The following PPP1R9A variants were observed in gnomAD, a reference collection of about 807,000 sequenced individuals.
The protein encoded by PPP1R9A is neurabin-1.
Under a neutral mutation model 141.9 loss-of-function variants are expected in PPP1R9A, and 59 were observed. The observed-to-expected ratio is 0.42, with a 90% confidence interval of 0.34 to 0.52. The LOEUF (loss-of-function observed/expected upper bound fraction) is 0.52, where lower values mean the gene tolerates loss of function less well. Among genes scored for constraint, PPP1R9A ranks in the 20% least tolerant of loss-of-function variants. PPP1R9A has a pLI of 0.10. For synonymous variants in PPP1R9A, 500 were observed against 569.7 expected (o/e 0.88, Z 1.74); for missense variants, 1,444 against 1,611.9 (o/e 0.90, Z 1.78).
rs185374713 is a variant in PPP1R9A at position 94,994,825 on chromosome 7, C to T, written c.1395+83317C>T. Among the ~76,000 whole-genome samples, 27 of 151,318 alleles carry T rather than the reference C, an allele frequency of 1.8e-4. No homozygotes were observed. In the East Asian group the frequency reaches 3.3e-3, roughly 19 times the overall value. ...AGGAGAATCACTTGAACCTGGGAGG[C>T]GGAGGTTGCAGAGTTGACATCGCGC... On this transcript the variant is annotated intron_variant, in intron 2 of 19. Coordinates refer to ENST00000433360, the MANE Select transcript of PPP1R9A (RefSeq NM_001166160.2).
At chr7:95,055,777 C>T (rs1333280599) in intron 2 of PPP1R9A, among the ~76,000 whole-genome samples, 4 of 152,060 alleles carry the variant, frequency 2.6e-5, no homozygotes, top group Admixed American at 2.0e-4. Context: ...GTACCTTGTA[C>T]TCTAGGAAGC....
intron 12 of PPP1R9A, among the ~76,000 whole-genome samples, chr7:95,257,751 G>A (rs558095868): frequency 8.2e-4 from 125 of 152,098 alleles, no homozygotes; most frequent in Non-Finnish European, 1.5e-3. Context: ...TCACCTATGA[G>A]TGAGAACATG....
chr7:95,040,738 G>A lies in PPP1R9A; in HGVS notation c.1396-70521G>A, dbSNP rs143962240. ...TTTCACTAGGCACTTTTCATTCTCTGAAGAAATTGTTTAATCTACTCTCGA... is the reference window on the plus strand; with the variant it reads ...TTTCACTAGGCACTTTTCATTCTCTAAAGAAATTGTTTAATCTACTCTCGA... On this transcript the variant is annotated intron_variant, in intron 2 of 19. Transcript: ENST00000433360. Among the ~76,000 whole-genome samples, 510 of 152,190 alleles carry A rather than the reference G, an allele frequency of 3.4e-3. 2 individuals carry two copies. Among genetic ancestry groups the A allele is most frequent in the African/African-American group, 0.012 (478 of 41,532 alleles).
At chr7:94,933,685 T>G (rs1392990450) in intron 2 of PPP1R9A, among the ~76,000 whole-genome samples, 1 of 152,180 alleles carries the variant, frequency 6.6e-6, no homozygotes, top group East Asian at 1.9e-4. Flanking sequence ...AGTAAAGGGC[T>G]TTATTTATGC....
intron 12 of PPP1R9A, among the ~76,000 whole-genome samples, chr7:95,254,550 C>T (rs1799321139): frequency 6.6e-6 from 1 of 152,172 alleles, no homozygotes; most frequent in African/African-American, 2.4e-5. Flanking sequence ...TCCTCCCGAC[C>T]TTCTACTGAC....
Position 95,184,600 on chromosome 7 carries a change from C to G in PPP1R9A, c.1755-13749C>G, listed in dbSNP as rs766419252. Among the ~76,000 whole-genome samples, 78 of 152,140 alleles carry G rather than the reference C, an allele frequency of 5.1e-4. 1 individual carries two copies. The highest frequency in any genetic ancestry group is 1.8e-4 in the Non-Finnish European group (12 of 68,036). On this transcript the variant is annotated intron_variant, in intron 5 of 19. Coordinates refer to ENST00000433360, the MANE Select transcript of PPP1R9A (RefSeq NM_001166160.2). ...GTGTACACTGTTCCCAATGTGTAGT[C>G]TGTTATCCCTCATCCCACTCCCACC...
At chr7:95,156,310 G>A (rs1829603819) in intron 4 of PPP1R9A, 1 of 152,328 alleles carries the variant, frequency 6.6e-6, no homozygotes, top group African/African-American at 2.4e-5. Context: ...CTGGAAGCTT[G>A]GAGATACTAG....
chr7:95,241,629 C>T (rs1255487904), intron 8 of PPP1R9A, among the ~76,000 whole-genome samples: 1 of 152,052 alleles, frequency 6.6e-6, no homozygotes, highest in Non-Finnish European at 1.5e-5. Flanking sequence ...TCCAATTTCT[C>T]CCTTGCCATT....
At chr7:95,146,247 C>A (rs1215169633) in intron 4 of PPP1R9A, among the ~76,000 whole-genome samples, 1 of 152,190 alleles carries the variant, frequency 6.6e-6, no homozygotes, top group Non-Finnish European at 1.5e-5. Context: ...TCTCTAATGA[C>A]CGGTGATGAT....
intron 16 of PPP1R9A, among the ~76,000 whole-genome samples, chr7:95,280,020 A>G (rs117930039): frequency 2.0e-3 from 310 of 152,220 alleles, no homozygotes; most frequent in Non-Finnish European, 3.8e-3. Context: ...ACTATTATTG[A>G]TTAGATCAGA....
intron 2 of PPP1R9A, among the ~76,000 whole-genome samples, chr7:94,985,592 T>C (rs1800719812): frequency 6.6e-6 from 1 of 152,182 alleles, no homozygotes; most frequent in Admixed American, 6.5e-5. Context: ...CTTCTTTGTT[T>C]CTTTTGATCT....
intron 2 of PPP1R9A, among the ~76,000 whole-genome samples, chr7:95,066,935 T>C (rs772941094): frequency 7.0e-4 from 106 of 152,194 alleles, no homozygotes; most frequent in Non-Finnish European, 1.2e-3. Context: ...TAAGGAGAAC[T>C]TGAAAACTTT....
At chr7:95,132,948 C>T (rs149333380) in intron 4 of PPP1R9A, among the ~76,000 whole-genome samples, 12 of 152,262 alleles carry the variant, frequency 7.9e-5, no homozygotes, top group African/African-American at 2.2e-4. Flanking sequence ...ATACCTTCTT[C>T]GTGTTACAGA....
At chr7:95,150,227 C>A (rs1313040230) in intron 4 of PPP1R9A, among the ~76,000 whole-genome samples, 2 of 151,544 alleles carry the variant, frequency 1.3e-5, no homozygotes, top group Non-Finnish European at 2.9e-5. Flanking sequence ...AATTGCAGAC[C>A]TAAATGTAAA....
intron 3 of PPP1R9A, among the ~76,000 whole-genome samples, chr7:95,118,105 A>G (rs1239993080): frequency 6.6e-6 from 1 of 152,234 alleles, no homozygotes; most frequent in African/African-American, 2.4e-5. Flanking sequence ...ACACAAGAGA[A>G]TTCATGGTGG....
In PPP1R9A at chr7:95,114,368, A is replaced by C. The variant is rs142735057; in HGVS notation, c.1528+2977A>C. Among the ~76,000 whole-genome samples the C allele has an allele frequency of 6.0e-4, 92 of 152,340 alleles. No individual in the cohort carries two copies. In the East Asian group the frequency reaches 0.01, roughly 17 times the overall value. On this transcript the variant is annotated intron_variant, in intron 3 of 19. Transcript: ENST00000433360. ...GGATACACAAATGAGTAGTTTTTAA[A>C]AAGTAGTATTAAAAAGTAGGGAATG... is the stretch of plus-strand genomic sequence containing the variant.
At chr7:95,267,224 A>G (rs1297450428) in intron 12 of PPP1R9A, among the ~76,000 whole-genome samples, 3 of 152,146 alleles carry the variant, frequency 2.0e-5, no homozygotes, top group Non-Finnish European at 4.4e-5. Flanking sequence ...TAGCATATTT[A>G]GAGCACATCT....
chr7:94,945,584 C>G (rs1795809354), intron 2 of PPP1R9A, among the ~76,000 whole-genome samples: 1 of 151,908 alleles, frequency 6.6e-6, no homozygotes, highest in Admixed American at 6.6e-5. Context: ...TGTTTAGTCA[C>G]AGACAAAAGA....
intron 8 of PPP1R9A, among the ~76,000 whole-genome samples, chr7:95,237,421 C>G (rs1293417881): frequency 6.6e-6 from 1 of 151,918 alleles, no homozygotes; most frequent in Non-Finnish European, 1.5e-5. Flanking sequence ...TTCTCAAACT[C>G]CTGACCTCAG....
Sources: allele counts gnomAD v4.1 joint callset (sites outside exome capture counted in the v4.1 genomes callset), GRCh38; gene constraint gnomAD v4.1.1; transcripts MANE v1.5; gene names NCBI Gene and HGNC (gene_info 2026-07-23, HGNC 2026-07-21).